The following TUSC3 variants were observed in gnomAD, a reference collection of about 807,000 sequenced individuals.
The protein encoded by TUSC3 is tumor suppressor candidate 3, also known as dolichyl-diphosphooligosaccharide--protein glycosyltransferase subunit TUSC3.
Under a neutral mutation model 44.8 loss-of-function variants are expected in TUSC3, and 45 were observed. The observed-to-expected ratio is 1.00, with a 90% CI of 0.79 to 1.29. The LOEUF is 1.29. Ranked by LOEUF, TUSC3 falls within the 50% of genes most tolerant of loss-of-function variation. The probability of loss-of-function intolerance (pLI) is 0.00; values close to 1 mark genes in which losing one functional copy is unlikely to be tolerated. For synonymous variants in TUSC3, 212 were observed against 152.9 expected (o/e 1.39, Z -2.85); for missense variants, 519 against 437.9 (o/e 1.19, Z -1.65).
chr8:15,851,077 C>T, the TUSC3 span, among the ~76,000 whole-genome samples: 116 of 152,250 alleles, frequency 7.6e-4, no homozygotes, highest in African/African-American at 2.0e-3. Flanking sequence ...ATGGACGACG[C>T]GACGCTTTTC....
At chr8:15,651,576 T>C (rs1055108342) in intron 3 of TUSC3, among the ~76,000 whole-genome samples, 13 of 152,102 alleles carry the variant, frequency 8.5e-5, no homozygotes, top group Admixed American at 7.2e-4. Flanking sequence ...CAGGAGTGCA[T>C]GTGCAGAGAG....
At chr8:15,540,144 G>A, upstream of TUSC3, 1 of 394,014 alleles carries the variant, frequency 2.5e-6, no homozygotes, top group Non-Finnish European at 4.5e-6. Context: ...TCCGGGAAAG[G>A]CAAGCTCCGG....
intron 2 of TUSC3, among the ~76,000 whole-genome samples, chr8:15,533,647 A>C (rs6999669): frequency 0.53 from 80,855 of 152,054 alleles, 22,362 homozygotes; most frequent in Admixed American, 0.62. Context: ...GTTCAACAGT[A>C]AAAGGTAGGT....
intron 2 of TUSC3, among the ~76,000 whole-genome samples, chr8:15,513,331 T>C (rs77405335): frequency 0.011 from 1,660 of 152,272 alleles, 35 homozygotes; most frequent in African/African-American, 0.038. Context: ...ATTTTTTAAA[T>C]GACCATTAAT....
At chr8:15,769,443 A>G (rs942557668), downstream of TUSC3, among the ~76,000 whole-genome samples, 1 of 152,188 alleles carries the variant, frequency 6.6e-6, no homozygotes, top group African/African-American at 2.4e-5. Flanking sequence ...TGGATTAAAG[A>G]CTTAAATGTT....
At chr8:15,773,267 A>G in the TUSC3 span, among the ~76,000 whole-genome samples, 1 of 152,332 alleles carries the variant, frequency 6.6e-6, no homozygotes, top group Admixed American at 6.5e-5. Context: ...TAAATTCACC[A>G]GAGTTGCAGG....
intron 1 of TUSC3, among the ~76,000 whole-genome samples, chr8:15,621,853 A>G (rs2129163663): frequency 6.6e-6 from 1 of 150,552 alleles, no homozygotes; most frequent in East Asian, 1.9e-4. Context: ...GCATGTCTGA[A>G]TGTTCTCTCT....
the TUSC3 span, among the ~76,000 whole-genome samples, chr8:15,836,783 C>T: frequency 6.6e-6 from 1 of 152,242 alleles, no homozygotes; most frequent in African/African-American, 2.4e-5. Context: ...TAATTTCTAA[C>T]TTTAAATGAT....
At chr8:15,523,694 G>A (rs533557134) in intron 2 of TUSC3, among the ~76,000 whole-genome samples, 4,406 of 41,788 alleles carry the variant, frequency 0.11, 394 homozygotes, top group African/African-American at 0.23. Flanking sequence ...GTGTGTGTGT[G>A]TGTGTGTGTG....
intron 6 of TUSC3, among the ~76,000 whole-genome samples, chr8:15,701,147 G>A (rs556036258): frequency 7.9e-5 from 12 of 152,048 alleles, no homozygotes; most frequent in African/African-American, 1.2e-4. Context: ...TACAAATAGC[G>A]TAATACACAG....
intron 1 of TUSC3, among the ~76,000 whole-genome samples, chr8:15,578,934 T>A (rs985776248): frequency 1.2e-4 from 19 of 152,158 alleles, no homozygotes; most frequent in African/African-American, 4.6e-4. Flanking sequence ...CAGCTGTGAA[T>A]CCATCTGGTC....
chr8:15,847,572 T>C, the TUSC3 span, among the ~76,000 whole-genome samples: 2 of 152,196 alleles, frequency 1.3e-5, no homozygotes, highest in Non-Finnish European at 2.9e-5. Context: ...AATGGCAGGC[T>C]GTGATTTGTA....
At chr8:15,427,985 T>C (rs1458375850) in intron 1 of TUSC3, among the ~76,000 whole-genome samples, 1 of 151,960 alleles carries the variant, frequency 6.6e-6, no homozygotes, top group Non-Finnish European at 1.5e-5. Context: ...TTTATTATTA[T>C]ACTTTTAAGT....
the TUSC3 span, among the ~76,000 whole-genome samples, chr8:15,824,128 C>G: frequency 6.6e-6 from 1 of 152,162 alleles, no homozygotes; most frequent in African/African-American, 2.4e-5. Flanking sequence ...CAGAGTGGCC[C>G]TTATTCACGG....
At chr8:15,643,500 A>G (rs555097498) in intron 2 of TUSC3, among the ~76,000 whole-genome samples, 2 of 151,690 alleles carry the variant, frequency 1.3e-5, no homozygotes, top group Non-Finnish European at 2.9e-5. Context: ...AACATATTTT[A>G]TGTTCATATA....
chr8:15,457,179 A>AG (rs200413894), intron 1 of TUSC3, among the ~76,000 whole-genome samples: 25 of 50,720 alleles, frequency 4.9e-4, no homozygotes, highest in Non-Finnish European at 9.7e-4. Flanking sequence ...AGGTGGGGGG[A>AG]GGGGGGAGGG....
At chr8:15,636,640 C>T (rs545932964) in intron 2 of TUSC3, among the ~76,000 whole-genome samples, 2 of 152,206 alleles carry the variant, frequency 1.3e-5, no homozygotes, top group African/African-American at 4.8e-5. Flanking sequence ...TTTGTGTGTC[C>T]CCAAAGATAC....
chr8:15,707,980 C>G (rs1297415246), intron 6 of TUSC3, among the ~76,000 whole-genome samples: 1 of 151,848 alleles, frequency 6.6e-6, no homozygotes, highest in Non-Finnish European at 1.5e-5. Context: ...GTCTTTGCCT[C>G]CATCTTCACA....
At chr8:15,566,798 G>A (rs918362291) in intron 1 of TUSC3, among the ~76,000 whole-genome samples, 13 of 152,022 alleles carry the variant, frequency 8.6e-5, no homozygotes, top group Non-Finnish European at 1.8e-4. Flanking sequence ...TAATTTGTGT[G>A]TATGTGTTTG....
Sources: allele counts gnomAD v4.1 joint callset (sites outside exome capture counted in the v4.1 genomes callset), GRCh38; gene constraint gnomAD v4.1.1; transcripts MANE v1.5; gene names NCBI Gene and HGNC (gene_info 2026-07-23, HGNC 2026-07-21).